Variants in TBL1X observed in about 807,000 individuals in gnomAD.
TBL1X encodes the protein transducin beta like 1 X-linked.
TBL1X carries 10 observed loss-of-function variants against 50.7 expected under a neutral mutation model. That is an observed-to-expected ratio of 0.20 (90% CI 0.12 to 0.33). The LOEUF (loss-of-function observed/expected upper bound fraction) is 0.33, where lower values mean the gene tolerates loss of function less well. Among genes scored for constraint, TBL1X ranks in the 10% least tolerant of loss-of-function variants. The pLI, the probability that TBL1X is intolerant of heterozygous loss-of-function variation, is 1.00. For missense variants in TBL1X, 340 were observed against 504.4 expected, an observed-to-expected ratio of 0.67 and a Z score of 3.12; for synonymous variants, 190 against 214.7, an observed-to-expected ratio of 0.88 and a Z score of 1.01.
At chrX:9,633,498 G>C (rs1390492198) in intron 2 of TBL1X, among the ~76,000 whole-genome samples, 1 of 112,313 alleles carries the variant, frequency 8.9e-6, no homozygotes, top group African/African-American at 3.2e-5. Context: ...TGAGTAGAAA[G>C]AGAAATGAGG....
At chrX:9,516,599 C>T (rs2082081923) in intron 2 of TBL1X, among the ~76,000 whole-genome samples, 2 of 111,972 alleles carry the variant, frequency 1.8e-5, no homozygotes, top group Non-Finnish European at 3.8e-5. Flanking sequence ...GATTTCCTTT[C>T]GGAGCATTTA....
intron 2 of TBL1X, among the ~76,000 whole-genome samples, chrX:9,548,596 A>G (rs1296794775): frequency 8.9e-6 from 1 of 112,285 alleles, no homozygotes; most frequent in Non-Finnish European, 1.9e-5. Context: ...TGAAATGTAC[A>G]GCGTTTGTAC....
chrX:9,490,418 A>G (rs933010120), intron 1 of TBL1X, among the ~76,000 whole-genome samples: 6 of 112,038 alleles, frequency 5.4e-5, no homozygotes, highest in Non-Finnish European at 9.4e-5. Context: ...TGCTCCTGGC[A>G]TCTTGTGGGC....
At chrX:9,694,776 C>A (rs1361485015) in intron 11 of TBL1X, among the ~76,000 whole-genome samples, 1 of 110,518 alleles carries the variant, frequency 9.0e-6, no homozygotes, top group Admixed American at 9.7e-5. Flanking sequence ...GAGTTCGAGA[C>A]CAGCCTGACC....
intron 2 of TBL1X, among the ~76,000 whole-genome samples, chrX:9,586,122 C>T (rs767312987): frequency 2.3e-4 from 26 of 112,040 alleles, no homozygotes; most frequent in Admixed American, 9.4e-5. Context: ...TCAGATGATC[C>T]AGCAAATCCA....
At chrX:9,517,442 C>T (rs183117220) in intron 2 of TBL1X, among the ~76,000 whole-genome samples, 1 of 111,621 alleles carries the variant, frequency 9.0e-6, no homozygotes, top group Non-Finnish European at 1.9e-5. Context: ...TAGCAGGGAC[C>T]TTTTTCAGGA....
chrX:9,508,448 C>G (rs375231161), intron 2 of TBL1X, among the ~76,000 whole-genome samples: 5 of 111,880 alleles, frequency 4.5e-5, no homozygotes, highest in African/African-American at 1.6e-4. Context: ...TAGTTGCTGG[C>G]AAGGCTGTGG....
intron 2 of TBL1X, among the ~76,000 whole-genome samples, chrX:9,544,705 G>A (rs2082232754): frequency 9.0e-6 from 1 of 110,733 alleles, no homozygotes; most frequent in South Asian, 3.8e-4. Context: ...TGGGATTATA[G>A]GCATGCACCA....
intron 2 of TBL1X, among the ~76,000 whole-genome samples, chrX:9,626,262 G>A (rs2146573413): frequency 1.8e-5 from 2 of 112,050 alleles, no homozygotes; most frequent in Admixed American, 9.4e-5. Flanking sequence ...AGACACTAAA[G>A]TCACAGGGGA....
At chrX:9,584,683 A>G (rs1307420601) in intron 2 of TBL1X, among the ~76,000 whole-genome samples, 2 of 112,497 alleles carry the variant, frequency 1.8e-5, no homozygotes, top group Non-Finnish European at 3.7e-5. Context: ...ATACTTGGTA[A>G]AAGTATAGAT....
chrX:9,605,286 C>T lies in TBL1X; in HGVS notation c.-130-34987C>T, dbSNP rs753301459. ...TGAGCATGTGAACGTCCGTAAGTTC[C>T]GCCTATTCTGGGTATGATGTCACAC... is the stretch of plus-strand genomic sequence containing the variant. On this transcript the variant is annotated intron_variant, in intron 2 of 17. Transcript: ENST00000645353. 3.7e-4 allele frequency among the ~76,000 whole-genome samples: 41 copies of T among 111,864 alleles called. 1 individual carries two copies. Among genetic ancestry groups the T allele is most frequent in the Admixed American group, 3.2e-3 (34 of 10,624 alleles).
rs537867875 is a variant in TBL1X, at chrX:9,473,514, A to G, written c.-201+8067A>G. Among the ~76,000 whole-genome samples the G allele has an allele frequency of 6.0e-4, 67 of 111,657 alleles. No individual in the cohort carries two copies. In the South Asian group the frequency reaches 0.015, roughly 24 times the overall value. On this transcript the variant is annotated intron_variant, in intron 1 of 17. Transcript: ENST00000645353. ...GTTCTTGTCCGATGGGATCAGAGAG[A>G]TTGAGATGGGGCATGATAGGCGGTG...
At chrX:9,607,814 T>G (rs532891848) in intron 2 of TBL1X, among the ~76,000 whole-genome samples, 4 of 110,379 alleles carry the variant, frequency 3.6e-5, no homozygotes, top group South Asian at 3.9e-4. Context: ...TAAGTTGATT[T>G]ATTTATTTAT....
At position 9,585,346 on chromosome X, in the gene TBL1X, C is replaced by G. The variant is rs992129743; in HGVS notation, c.-130-54927C>G. Among the ~76,000 whole-genome samples the G allele has an allele frequency of 2.2e-3, 209 of 94,705 alleles. 2 individuals are homozygous for G. Among genetic ancestry groups the G allele is most frequent in the Non-Finnish European group, 3.6e-3 (170 of 47,103 alleles). 82.2% of individuals were successfully genotyped at this position (94,705 alleles called of 115,157 possible). Reference sequence around the variant, plus strand: ...CCATGCCACCCCCCTCCCCTCCCCCCCCCGCCACAGCTTGTCAGAAATGCA... The same window carrying G: ...CCATGCCACCCCCCTCCCCTCCCCCGCCCGCCACAGCTTGTCAGAAATGCA... On this transcript the variant is annotated intron_variant, in intron 2 of 17. Transcript: ENST00000645353.
At chrX:9,691,732 G>GT in intron 8 of TBL1X, 21 bp downstream of exon 8, 1 of 1,206,441 alleles carries the variant, frequency 8.3e-7, no homozygotes, top group South Asian at 1.8e-5. Flanking sequence ...CAGGGTGGGG[G>GT]GCGCTCCAGA....
chrX:9,702,659 G>A (rs902814755), intron 12 of TBL1X, among the ~76,000 whole-genome samples: 1 of 109,920 alleles, frequency 9.1e-6, no homozygotes, highest in African/African-American at 3.3e-5. Context: ...TTGGTCGATT[G>A]GTAAGGACAT....
intron 2 of TBL1X, among the ~76,000 whole-genome samples, chrX:9,600,934 G>C (rs1030892866): frequency 9.0e-6 from 1 of 111,729 alleles, no homozygotes; most frequent in Non-Finnish European, 1.9e-5. Context: ...TTTATCCAGA[G>C]GTGATCTTCT....
At chrX:9,510,651 T>G (rs2082050825) in intron 2 of TBL1X, among the ~76,000 whole-genome samples, 1 of 112,278 alleles carries the variant, frequency 8.9e-6, no homozygotes, top group Admixed American at 9.4e-5. Context: ...TACTTAGGAA[T>G]GTTGTTGTGA....
At chrX:9,524,283 T>A (rs1184865785) in intron 2 of TBL1X, among the ~76,000 whole-genome samples, 1 of 111,995 alleles carries the variant, frequency 8.9e-6, no homozygotes, top group Non-Finnish European at 1.9e-5. Context: ...TAACCATTTT[T>A]AAGTGTACAG....
Sources: allele counts gnomAD v4.1 joint callset (sites outside exome capture counted in the v4.1 genomes callset), GRCh38; gene constraint gnomAD v4.1.1; transcripts MANE v1.5; gene names NCBI Gene and HGNC (gene_info 2026-07-23, HGNC 2026-07-21).